The following CSMD1 variants were observed in gnomAD, a reference collection of about 807,000 sequenced individuals.
CSMD1 encodes CUB and Sushi multiple domains 1, also known as CUB and sushi domain-containing protein 1.
CSMD1 carries 213 observed loss-of-function variants against 417.5 expected under a neutral mutation model. That is an observed-to-expected ratio of 0.51 (90% CI 0.46 to 0.57). The LOEUF (loss-of-function observed/expected upper bound fraction) is 0.57. Among genes scored for constraint, CSMD1 ranks in the 20% least tolerant of loss-of-function variants. CSMD1 has a pLI of 0.00. For missense variants in CSMD1, 6,923 were observed against 4,529.7 expected (o/e 1.53, Z -15.17); for synonymous variants, 2,862 against 1,736.8 (o/e 1.65, Z -16.11).
chr8:4,473,638 T>C (rs963445760), intron 2 of CSMD1, among the ~76,000 whole-genome samples: 1 of 152,160 alleles, frequency 6.6e-6, no homozygotes. Flanking sequence ...GGGAGTTTAG[T>C]TTCCTTTATC....
chr8:4,157,992 C>A lies in CSMD1; in HGVS notation c.416-125893G>T, dbSNP rs375246239. Among the ~76,000 whole-genome samples, 13 of 152,244 alleles carry A rather than the reference C, an allele frequency of 8.5e-5. No individual in the cohort carries two copies. In the East Asian group the frequency reaches 1.9e-3, roughly 23 times the overall value. On this transcript the variant is annotated intron_variant, in intron 3 of 69. Transcript: ENST00000635120. ...CGAGATTGGCCAACTGTTGCTAGGA[C>A]CCTTTCCTGCTCAACTGCCCCCATA...
chr8:3,674,864 T>G (rs141824640), intron 7 of CSMD1, among the ~76,000 whole-genome samples: 2 of 152,122 alleles, frequency 1.3e-5, no homozygotes, highest in Admixed American at 6.6e-5. Flanking sequence ...TCCTTTAAAT[T>G]TGAAAAAGGA....
At chr8:3,826,136 C>T (rs1159439844) in intron 5 of CSMD1, among the ~76,000 whole-genome samples, 2 of 152,102 alleles carry the variant, frequency 1.3e-5, no homozygotes, top group Admixed American at 6.5e-5. Context: ...GGAACTCACA[C>T]TGCGAATGAA....
At chr8:3,453,879 G>A (rs376167090) in intron 12 of CSMD1, among the ~76,000 whole-genome samples, 3 of 152,110 alleles carry the variant, frequency 2.0e-5, no homozygotes, top group South Asian at 2.1e-4. Flanking sequence ...TTAACTTTCT[G>A]TCTTGTTGAA....
intron 2 of CSMD1, among the ~76,000 whole-genome samples, chr8:4,588,973 T>C (rs952854152): frequency 2.0e-5 from 3 of 152,096 alleles, no homozygotes; most frequent in Admixed American, 6.5e-5. Flanking sequence ...AAGTACAATA[T>C]ACTATATATA....
At chr8:3,906,951 A>C (rs1199486883) in intron 5 of CSMD1, among the ~76,000 whole-genome samples, 2 of 152,228 alleles carry the variant, frequency 1.3e-5, no homozygotes, top group Admixed American at 1.3e-4. Flanking sequence ...ACTGCTGGGT[A>C]ATACCAGTTA....
chr8:4,650,300 G>A (rs1187378728), intron 1 of CSMD1, among the ~76,000 whole-genome samples: 1 of 142,714 alleles, frequency 7.0e-6, no homozygotes, highest in Non-Finnish European at 1.5e-5. Context: ...AGCCTAGATG[G>A]TGCCACTGCA....
At chr8:4,429,292 C>A (rs1456491702) in intron 2 of CSMD1, among the ~76,000 whole-genome samples, 1 of 151,990 alleles carries the variant, frequency 6.6e-6, no homozygotes, top group African/African-American at 2.4e-5. Flanking sequence ...AATAATTTCT[C>A]ATCAATTTTG....
intron 5 of CSMD1, among the ~76,000 whole-genome samples, chr8:3,842,191 T>C (rs1198414609): frequency 1.3e-5 from 2 of 152,194 alleles, no homozygotes; most frequent in Non-Finnish European, 2.9e-5. Context: ...AGCATCATTG[T>C]AATATTCCCA....
chr8:4,110,511 G>C (rs1801795214), intron 3 of CSMD1, among the ~76,000 whole-genome samples: 1 of 151,978 alleles, frequency 6.6e-6, no homozygotes. Flanking sequence ...TTTTCCCCTA[G>C]CGTGTGCAAG....
chr8:3,938,426 G>C (rs1326222513), intron 5 of CSMD1, among the ~76,000 whole-genome samples: 1 of 152,186 alleles, frequency 6.6e-6, no homozygotes, highest in Non-Finnish European at 1.5e-5. Context: ...CAAAAGAATA[G>C]TAGAGCTTAA....
intron 26 of CSMD1, among the ~76,000 whole-genome samples, chr8:3,262,384 T>C (rs1801145254): frequency 1.3e-5 from 2 of 151,304 alleles, no homozygotes; most frequent in African/African-American, 4.9e-5. Context: ...AATCTGAAGA[T>C]GACAGTATCC....
intron 2 of CSMD1, among the ~76,000 whole-genome samples, chr8:4,571,516 A>G (rs13276804): frequency 0.41 from 61,582 of 151,928 alleles, 13,134 homozygotes; most frequent in East Asian, 0.54. Context: ...ACTGTTTGTT[A>G]TGATTTATGT....
chr8:3,586,093 A>T, intron 9 of CSMD1, 43 bp downstream of exon 9: 1 of 1,585,112 alleles, frequency 6.3e-7, no homozygotes, highest in Non-Finnish European at 8.6e-7. Context: ...GCCAACCTTA[A>T]AGAAAGAGAT....
At chr8:4,446,934 T>C (rs1798844140) in intron 2 of CSMD1, among the ~76,000 whole-genome samples, 1 of 137,818 alleles carries the variant, frequency 7.3e-6, no homozygotes, top group Admixed American at 7.0e-5. Flanking sequence ...ACCGTGTTTA[T>C]TTAAAAAAAA....
chr8:4,447,681 C>A lies in CSMD1; in HGVS notation c.303-27616G>T, dbSNP rs73660845. Among the ~76,000 whole-genome samples the A allele has an allele frequency of 3.2e-3, 493 of 152,222 alleles. 3 individuals carry two copies. Among genetic ancestry groups the A allele is most frequent in the African/African-American group, 0.011 (469 of 41,534 alleles). Reference sequence around the variant, plus strand: ...GAATGGTTTCCACACTCTCCTGTGACCTCTTGTTTTAGAAAGTGCACTCAT... The same window carrying A: ...GAATGGTTTCCACACTCTCCTGTGAACTCTTGTTTTAGAAAGTGCACTCAT... On this transcript the variant is annotated intron_variant, in intron 2 of 69. Transcript: ENST00000635120.
chr8:3,819,561 C>CTT (rs3219854), intron 5 of CSMD1, among the ~76,000 whole-genome samples: 30,231 of 149,566 alleles, frequency 0.2, 3,945 homozygotes, highest in African/African-American at 0.36. Flanking sequence ...CACACACACA[C>CTT]GTATGTATAT....
intron 5 of CSMD1, among the ~76,000 whole-genome samples, chr8:3,763,670 C>T (rs557852009): frequency 2.0e-5 from 3 of 152,182 alleles, no homozygotes; most frequent in African/African-American, 4.8e-5. Flanking sequence ...GCAAAACACA[C>T]TGACACAAGT....
intron 41 of CSMD1, among the ~76,000 whole-genome samples, chr8:3,137,261 G>A (rs902729899): frequency 3.9e-5 from 6 of 152,154 alleles, no homozygotes; most frequent in African/African-American, 1.2e-4. Flanking sequence ...TCCGCAATGC[G>A]TAGGGACTAA....
Sources: allele counts gnomAD v4.1 joint callset (sites outside exome capture counted in the v4.1 genomes callset), GRCh38; gene constraint gnomAD v4.1.1; transcripts MANE v1.5; gene names NCBI Gene and HGNC (gene_info 2026-07-23, HGNC 2026-07-21).